The following SEMA6C variants were observed in gnomAD, a reference collection of about 807,000 sequenced individuals.
SEMA6C encodes the protein semaphorin 6C.
Under a neutral mutation model 72.9 loss-of-function variants are expected in SEMA6C, and 37 were observed. The ratio of observed to expected loss-of-function variants is 0.51; its 90% CI spans 0.39 to 0.67. The LOEUF is 0.67. Among genes scored for constraint, SEMA6C ranks in the 30% least tolerant of loss-of-function variants. The pLI is 0.00. For synonymous variants in SEMA6C, 578 were observed against 554.1 expected, an observed-to-expected ratio of 1.04 and a Z score of -0.61; for missense variants, 1,189 against 1,263.6, an observed-to-expected ratio of 0.94 and a Z score of 0.89.
intron 2 of SEMA6C, among the ~76,000 whole-genome samples, 157 bp from the exon 3 acceptor site, chr1:151,142,832 A>G (rs1475687255): frequency 2.0e-5 from 3 of 152,278 alleles, no homozygotes; most frequent in African/African-American, 7.2e-5. Context: ...GCCAGCTGTC[A>G]TTGTCACTCA....
chr1:151,142,124 C>A (rs1190128067), intron 3 of SEMA6C, among the ~76,000 whole-genome samples: 1 of 151,936 alleles, frequency 6.6e-6, no homozygotes, highest in Non-Finnish European at 1.5e-5. Context: ...GCAAGCTCCG[C>A]CTTCCGGGTT....
Position 151,136,900 on chromosome 1 carries a change from C to A in SEMA6C, c.931G>T (p.Gly311Cys). 4 of 1,614,032 alleles carry A rather than the reference C, an allele frequency of 2.5e-6. No individual in the cohort carries two copies. The highest frequency in any genetic ancestry group is 3.4e-6 in the Non-Finnish European group (4 of 1,180,012). ...QALTGPVNLH[G>C]RSALFGVFTT... is the part of the protein sequence containing the mutation. ...AAGACCCCAAAGAGAGCAGAGCGGCCATGCAGGTTCACAGGCCCAGTCAAG... is the reference window on the plus strand; with the variant it reads ...AAGACCCCAAAGAGAGCAGAGCGGCAATGCAGGTTCACAGGCCCAGTCAAG... Residue 311 changes from glycine to cysteine, a missense_variant, in exon 11 of 19, where the codon GGC becomes TGC. Coordinates refer to ENST00000368914, the MANE Select transcript of SEMA6C (RefSeq NM_030913.6).
intron 2 of SEMA6C, among the ~76,000 whole-genome samples, chr1:151,143,616 A>G (rs1336857617): frequency 3.3e-5 from 5 of 152,204 alleles, no homozygotes; most frequent in African/African-American, 1.2e-4. Flanking sequence ...AGTGACAGGC[A>G]GGTAATTGTA....
rs1428696676 is a variant in SEMA6C, at chr1:151,133,036, G to A, written c.2241C>T (p.Arg747=). The change falls in exon 19 of 19, where the codon CGC becomes CGT. Residue 747 remains arginine, a synonymous_variant. Coordinates refer to ENST00000368914, the MANE Select transcript of SEMA6C (RefSeq NM_030913.6). This position sits in a 1 kb window ranked among gnomAD's most constrained non-coding sequence, Gnocchi z 5.9. The part of the protein sequence containing the change: ...GGHAAGGPAP[R]VLVRPPPPGC... ...CGGGCGGCGGTGGCCTCACCAGCAC[G>A]CGGGGCGCGGGCCCGCCCGCCGCGT... 2 of 1,386,612 alleles carry A rather than the reference G, an allele frequency of 1.4e-6. No homozygotes were observed. Among genetic ancestry groups the A allele is most frequent in the Admixed American group, 3.5e-5 (1 of 28,554 alleles). The allele number at this position is 1,386,612 out of a possible 1,614,324, so 85.9% of individuals were successfully genotyped here.
chr1:151,134,268 G>C, intron 18 of SEMA6C, 133 bp downstream of exon 18: 1 of 891,834 alleles, frequency 1.1e-6, no homozygotes, highest in Non-Finnish European at 1.8e-6. Flanking sequence ...CTACATGCTG[G>C]GTATCTGGAG....
chr1:151,134,009 A>G, intron 18 of SEMA6C: 1 of 1,539,548 alleles, frequency 6.5e-7, no homozygotes, highest in Non-Finnish European at 8.8e-7. Context: ...GGTGGGCATC[A>G]CTGGGAGGAC....
chr1:151,133,053 C>T lies in SEMA6C; in HGVS notation c.2224G>A (p.Gly742Ser), dbSNP rs764624983. The change falls in exon 19 of 19, where the codon GGC becomes AGC. Residue 742 changes from glycine (G) to serine (S), a missense_variant. Around this residue, in one of 2 missense-constraint regions of SEMA6C, gnomAD observed 721 missense variants for 686.2 expected, o/e 1.05. Coordinates refer to ENST00000368914, the MANE Select transcript of SEMA6C (RefSeq NM_030913.6). This position sits in a 1 kb window ranked among gnomAD's most constrained non-coding sequence, Gnocchi z 5.9. Reference protein sequence around the residue: ...PGRSRGGHAAGGPAPRVLVRP... With the variant: ...PGRSRGGHAASGPAPRVLVRP... Reference sequence around the variant, plus strand: ...ACCAGCACGCGGGGCGCGGGCCCGCCCGCCGCGTGCCCGCCCCGTGAGCGG... The same window carrying T: ...ACCAGCACGCGGGGCGCGGGCCCGCTCGCCGCGTGCCCGCCCCGTGAGCGG... 209 of 1,422,518 alleles carry T rather than the reference C, an allele frequency of 1.5e-4. No individual in the cohort carries two copies. The highest frequency in any genetic ancestry group is 1.9e-4 in the Admixed American group (6 of 31,536). The allele number at this position is 1,422,518 out of a possible 1,614,324, so 88.1% of individuals were successfully genotyped here. A position where few individuals can be genotyped will look rare whatever the true frequency, so the allele number is the denominator to read the frequency against.
chr1:151,142,775 G>A (rs1682657000), intron 2 of SEMA6C, 100 bp from the exon 3 acceptor site: 2 of 599,730 alleles, frequency 3.3e-6, no homozygotes, highest in Non-Finnish European at 5.8e-6. Flanking sequence ...AGAAGACCCT[G>A]TGGGGTGGGG....
rs189971459 is a variant in SEMA6C at position 151,135,426 on chromosome 1, G to T, written c.1434-117C>A. On this transcript the variant is annotated intron_variant, in intron 14 of 18. Transcript: ENST00000368914. ...GCAACTGAGCACAACCCATGGAGCT[G>T]CCCCGCCCTACCACACTGTCCAGTC... 450 of 1,462,128 alleles carry T rather than the reference G, an allele frequency of 3.1e-4. 2 individuals carry two copies. In the South Asian group the frequency reaches 4.5e-3, roughly 15 times the overall value. 90.6% of individuals were successfully genotyped at this position (1,462,128 alleles called of 1,614,324 possible).
At position 151,133,851 on chromosome 1, in the gene SEMA6C, C is replaced by T. The variant is rs1681791365; in HGVS notation, c.1760-334G>A. 9.5e-7 allele frequency: 1 copy of T among 1,053,428 alleles called. No individual in the cohort carries two copies. Among genetic ancestry groups the T allele is most frequent in the African/African-American group, 1.6e-5 (1 of 61,734 alleles). 65.3% of individuals were successfully genotyped at this position (1,053,428 alleles called of 1,614,324 possible). A position where few individuals can be genotyped will look rare whatever the true frequency, so the allele number is the denominator to read the frequency against. ...TGCCCAATTCTGGGGAAGGGAGGCT[C>T]CAAACAGGCGTTAGTGAGCACCAAA... is the stretch of plus-strand genomic sequence containing the variant. On this transcript the variant is annotated intron_variant, in intron 18 of 18. Coordinates refer to ENST00000368914, the MANE Select transcript of SEMA6C (RefSeq NM_030913.6). The surrounding 1 kb of genome is among the most constrained non-coding windows in gnomAD (Gnocchi z 5.9).
At position 151,133,509 on chromosome 1, in the gene SEMA6C, G is replaced by A. The variant is rs1473588682; in HGVS notation, c.1768C>T (p.Arg590Trp). 2.0e-6 allele frequency: 3 copies of A among 1,515,422 alleles called. No individual in the cohort carries two copies. The highest frequency in any genetic ancestry group is 2.6e-6 in the Non-Finnish European group (3 of 1,134,766). The allele number at this position is 1,515,422 out of a possible 1,614,324, so 93.9% of individuals were successfully genotyped here. The change falls in exon 19 of 19, where the codon CGG (arginine) becomes TGG (tryptophan). Residue 590 changes from arginine to tryptophan, a missense_variant. Physicochemically the swap from Arg to Trp is moderately radical, Grantham distance 101. Transcript: ENST00000368914. This position sits in a 1 kb window ranked among gnomAD's most constrained non-coding sequence, Gnocchi z 5.9. ...GAGGCCGAGGCTGGGGGCAGGTCCC[G>A]GCGCACGCCTGCCGACCGAGAGGGA... Reference protein sequence around the residue: ...GPGDSAYGVRRDLPPASASRS... With the variant: ...GPGDSAYGVRWDLPPASASRS...
In SEMA6C at chr1:151,133,324, G is replaced by C; in HGVS notation, c.1953C>G (p.Leu651=). ...ETPGLPRPLS[L]RSLARLHGGG... Reference sequence around the variant, plus strand: ...CACCGTGGAGCCGGGCCAAACTGCGGAGGGAGAGAGGGCGCGGGAGCCCCG... The same window carrying C: ...CACCGTGGAGCCGGGCCAAACTGCGCAGGGAGAGAGGGCGCGGGAGCCCCG... Residue 651 remains leucine, a synonymous_variant, in exon 19 of 19, where the codon CTC becomes CTG. Transcript: ENST00000368914. The surrounding 1 kb of genome is among the most constrained non-coding windows in gnomAD (Gnocchi z 5.9). 29 of 1,593,906 alleles carry C rather than the reference G, an allele frequency of 1.8e-5. No homozygotes were observed. Among genetic ancestry groups the C allele is most frequent in the Non-Finnish European group, 2.4e-5 (28 of 1,172,994 alleles).
chr1:151,133,311 G>T lies in SEMA6C; in HGVS notation c.1966C>A (p.Arg656=). 1 of 1,588,028 alleles carries T rather than the reference G, an allele frequency of 6.3e-7. No individual in the cohort carries two copies. The highest frequency in any genetic ancestry group is 8.5e-7 in the Non-Finnish European group (1 of 1,170,542). Residue 656 remains arginine (R), a synonymous_variant, in exon 19 of 19, where the codon CGG becomes AGG. Coordinates refer to ENST00000368914, the MANE Select transcript of SEMA6C (RefSeq NM_030913.6). This position sits in a 1 kb window ranked among gnomAD's most constrained non-coding sequence, Gnocchi z 5.9. The part of the protein sequence containing the change: ...PRPLSLRSLA[R]LHGGGPEPPP... ...GGCTCTGGGCCCCCACCGTGGAGCC[G>T]GGCCAAACTGCGGAGGGAGAGAGGG...
rs776419503 is a variant in SEMA6C at position 151,135,810 on chromosome 1, T to C, written c.1260-46A>G. On this transcript the variant is annotated intron_variant, in intron 13 of 18. Coordinates refer to ENST00000368914, the MANE Select transcript of SEMA6C (RefSeq NM_030913.6). ...TCAGGGAACCTGTCTAGTGGAAACCTGAGCATTTCAGGGAGAGCCCAACTG... is the reference window on the plus strand; with the variant it reads ...TCAGGGAACCTGTCTAGTGGAAACCCGAGCATTTCAGGGAGAGCCCAACTG... The C allele has an allele frequency of 5.0e-6, 8 of 1,599,942 alleles. No homozygotes were observed. The South Asian group carries it at 7.9e-5, about 16-fold the overall frequency.
In SEMA6C at chr1:151,132,882, G is replaced by A; in HGVS notation, c.2395C>T (p.Pro799Ser). The change falls in exon 19 of 19, where the codon CCC (proline) becomes TCC (serine). Residue 799 changes from proline (P) to serine (S), a missense_variant. By Grantham distance (74) the Pro-to-Ser change is moderately conservative (BLOSUM62 -1). Around this residue, in one of 2 missense-constraint regions of SEMA6C, gnomAD observed 721 missense variants for 686.2 expected, o/e 1.05. Transcript: ENST00000368914. Reference sequence around the variant, plus strand: ...GGGCCGCCCAAGAGGGCGGGGGCGGGCTCCGGCGGGAGCGCCCGCGAGGTT... The same window carrying A: ...GGGCCGCCCAAGAGGGCGGGGGCGGACTCCGGCGGGAGCGCCCGCGAGGTT... ...PLTSRALPPE[P>S]APALLGGPSP... The A allele has an allele frequency of 7.7e-7, 1 of 1,306,268 alleles. No individual in the cohort carries two copies. The highest frequency in any genetic ancestry group is 9.7e-7 in the Non-Finnish European group (1 of 1,027,818). 80.9% of individuals were successfully genotyped at this position (1,306,268 alleles called of 1,614,324 possible).
At chr1:151,140,125 C>G (rs1304348743) in intron 3 of SEMA6C, 35 bp from the exon 4 acceptor site, 1 of 1,557,416 alleles carries the variant, frequency 6.4e-7, no homozygotes. Context: ...TCTGAGGATA[C>G]CACAAACTTC....
At chr1:151,139,927 G>A in intron 4 of SEMA6C, 49 bp downstream of exon 4, 5 of 1,559,010 alleles carry the variant, frequency 3.2e-6, no homozygotes, top group Non-Finnish European at 4.4e-6. Flanking sequence ...TCCCAAGTCT[G>A]CCCAGGAGCA....
chr1:151,141,482 T>C (rs1380486749), intron 3 of SEMA6C, among the ~76,000 whole-genome samples: 3 of 152,174 alleles, frequency 2.0e-5, no homozygotes, highest in Non-Finnish European at 4.4e-5. Context: ...CGATCTCGGC[T>C]CACTGCAACC....
At chr1:151,141,231 G>A (rs1171278646) in intron 3 of SEMA6C, among the ~76,000 whole-genome samples, 2 of 151,912 alleles carry the variant, frequency 1.3e-5, no homozygotes, top group East Asian at 3.9e-4. Context: ...GGTGGTACCA[G>A]TGGTAGAGAG....
Sources: gnomAD v4.1 joint callset for allele counts (sites outside exome capture counted in the v4.1 genomes callset) on GRCh38, gnomAD v4.1.1 for gene constraint, gnomAD v4.1.1 regional missense constraint, Gnocchi (gnomAD v3.1) non-coding constraint, MANE v1.5 for transcripts, NCBI Gene and HGNC (gene_info 2026-07-23, HGNC 2026-07-21) for gene names.